The following PCSK2 variants were observed in gnomAD, a reference collection of about 807,000 sequenced individuals.
PCSK2 encodes neuroendocrine convertase 2.
Under a neutral mutation model 69.7 loss-of-function variants are expected in PCSK2, and 14 were observed. The ratio of observed to expected loss-of-function variants is 0.20; its 90% CI spans 0.13 to 0.31. The LOEUF is 0.31. PCSK2 is among the 10% of genes least tolerant of loss of function. PCSK2 has a pLI of 1.00. For missense variants in PCSK2, 544 were observed against 842.5 expected, an observed-to-expected ratio of 0.65 and a Z score of 4.39; for synonymous variants, 307 against 320.7, an observed-to-expected ratio of 0.96 and a Z score of 0.46.
At chr20:17,354,759 A>G (rs1388546297) in intron 2 of PCSK2, among the ~76,000 whole-genome samples, 1 of 152,200 alleles carries the variant, frequency 6.6e-6, no homozygotes, top group Non-Finnish European at 1.5e-5. Flanking sequence ...TTCTTATGGT[A>G]GGATACTCAG....
At chr20:17,426,989 G>T (rs2032261366) in intron 6 of PCSK2, among the ~76,000 whole-genome samples, 1 of 152,202 alleles carries the variant, frequency 6.6e-6, no homozygotes, top group Admixed American at 6.5e-5. Context: ...TTTCTAATAG[G>T]ATTACATGAT....
At chr20:17,337,249 G>GA (rs1990380742) in intron 2 of PCSK2, among the ~76,000 whole-genome samples, 1 of 152,186 alleles carries the variant, frequency 6.6e-6, no homozygotes, top group Admixed American at 6.5e-5. Context: ...GAACAACAAA[G>GA]GAGAATCCCC....
intron 1 of PCSK2, among the ~76,000 whole-genome samples, chr20:17,239,979 A>C (rs538718432): frequency 9.4e-4 from 135 of 144,192 alleles, no homozygotes; most frequent in Non-Finnish European, 1.3e-3. Context: ...TCAGCCTCCC[A>C]AGTAGCTGGG....
chr20:17,241,046 A>T (rs995334867), intron 1 of PCSK2, among the ~76,000 whole-genome samples: 1 of 152,232 alleles, frequency 6.6e-6, no homozygotes, highest in Non-Finnish European at 1.5e-5. Context: ...GTTCGCGCTG[A>T]TTACAGACAA....
At position 17,227,248 on chromosome 20, in the gene PCSK2, G is replaced by T. The variant is rs1029392594; in HGVS notation, c.-58G>T. 2.4e-6 allele frequency: 3 copies of T among 1,254,942 alleles called. No homozygotes were observed. The highest frequency in any genetic ancestry group is 3.5e-6 in the Non-Finnish European group (3 of 862,808). 77.7% of individuals were successfully genotyped at this position (1,254,942 alleles called of 1,614,324 possible). A position where few individuals can be genotyped will look rare whatever the true frequency, so the allele number is the denominator to read the frequency against. ...TTCTTTATTTGCACCCTCCCTCCGA[G>T]TCCCCTGCTCCGCCAGCCTGCGCGC... On this transcript the variant is annotated 5_prime_UTR_variant, in exon 1 of 12. Coordinates refer to ENST00000262545, the MANE Select transcript of PCSK2 (RefSeq NM_002594.5).
In PCSK2 at chr20:17,360,718, T is replaced by A. The variant is rs558879128; in HGVS notation, c.505+78T>A. 2.2e-4 allele frequency: 183 copies of A among 829,406 alleles called. No individual in the cohort carries two copies. In the African/African-American group the frequency reaches 2.7e-3, roughly 12 times the overall value. The allele number at this position is 829,406 out of a possible 1,614,324, so 51.4% of individuals were successfully genotyped here. A position where few individuals can be genotyped will look rare whatever the true frequency, so the allele number is the denominator to read the frequency against. ...CCTTTTGATAAAAGTTGTATTGTTT[T>A]GGAGATGCTAACCAGAGATGGAACA... On this transcript the variant is annotated intron_variant, in intron 4 of 11. Coordinates refer to ENST00000262545, the MANE Select transcript of PCSK2 (RefSeq NM_002594.5).
intron 5 of PCSK2, among the ~76,000 whole-genome samples, chr20:17,387,531 C>T (rs2031268151): frequency 6.6e-6 from 1 of 152,184 alleles, no homozygotes; most frequent in African/African-American, 2.4e-5. Flanking sequence ...TTGCACGTAG[C>T]TCTCCACAAA....
At chr20:17,430,549 C>T (rs892537896) in intron 7 of PCSK2, among the ~76,000 whole-genome samples, 173 of 152,282 alleles carry the variant, frequency 1.1e-3, no homozygotes, top group African/African-American at 4.1e-3. Context: ...AAGAGGCTTG[C>T]CTGAACTGGG....
chr20:17,242,270 A>C (rs973640903), intron 1 of PCSK2, among the ~76,000 whole-genome samples: 1 of 152,248 alleles, frequency 6.6e-6, no homozygotes, highest in African/African-American at 2.4e-5. Flanking sequence ...AAGTGTACTG[A>C]GTGCTAAGTC....
At chr20:17,480,618 G>C (rs1423206921) in intron 11 of PCSK2, among the ~76,000 whole-genome samples, 1 of 152,220 alleles carries the variant, frequency 6.6e-6, no homozygotes, top group Non-Finnish European at 1.5e-5. Context: ...AGTCCAACCT[G>C]AGACAAGACT....
intron 8 of PCSK2, among the ~76,000 whole-genome samples, chr20:17,447,599 C>T (rs1235623476): frequency 3.2e-5 from 3 of 95,054 alleles, no homozygotes; most frequent in Non-Finnish European, 6.6e-5. Context: ...GACTAAGAAT[C>T]GTCATTCATT....
At chr20:17,353,059 G>A (rs936467620) in intron 2 of PCSK2, among the ~76,000 whole-genome samples, 3 of 151,920 alleles carry the variant, frequency 2.0e-5, no homozygotes, top group African/African-American at 7.3e-5. Context: ...AAAACACACA[G>A]GTGGCCAACA....
chr20:17,385,828 T>C (rs548154307), intron 5 of PCSK2, among the ~76,000 whole-genome samples: 164 of 152,182 alleles, frequency 1.1e-3, no homozygotes, highest in Non-Finnish European at 2.1e-3. Flanking sequence ...TAAGCACCCC[T>C]AGAACATGAG....
chr20:17,333,319 T>C (rs1229530760), intron 2 of PCSK2, among the ~76,000 whole-genome samples: 1 of 152,240 alleles, frequency 6.6e-6, no homozygotes, highest in Non-Finnish European at 1.5e-5. Flanking sequence ...TTTTGTATTA[T>C]TTCCAAATTA....
At chr20:17,352,330 C>T (rs115321006) in intron 2 of PCSK2, among the ~76,000 whole-genome samples, 1,916 of 152,240 alleles carry the variant, frequency 0.013, 14 homozygotes, top group East Asian at 0.034. Context: ...TGTTATTTTT[C>T]ATAGAATTAG....
chr20:17,431,653 C>T (rs1372872223), intron 7 of PCSK2, among the ~76,000 whole-genome samples: 1 of 152,218 alleles, frequency 6.6e-6, no homozygotes, highest in Non-Finnish European at 1.5e-5. Context: ...GTTCTAACTA[C>T]AAGGGCTGCG....
chr20:17,334,506 C>T (rs1990292923), intron 2 of PCSK2, among the ~76,000 whole-genome samples: 1 of 152,158 alleles, frequency 6.6e-6, no homozygotes, highest in Non-Finnish European at 1.5e-5. Flanking sequence ...TGACAGCGAT[C>T]AGAGCGGATT....
chr20:17,392,482 G>T (rs1388755363), intron 5 of PCSK2, among the ~76,000 whole-genome samples: 2 of 152,116 alleles, frequency 1.3e-5, no homozygotes, highest in Non-Finnish European at 2.9e-5. Context: ...TTTATTTACA[G>T]GAAGTACAAT....
At chr20:17,467,113 CT>C (rs2033117943) in intron 11 of PCSK2, among the ~76,000 whole-genome samples, 1 of 152,232 alleles carries the variant, frequency 6.6e-6, no homozygotes, top group South Asian at 2.1e-4. Flanking sequence ...CCTCGCCACT[CT>C]TCATTGGTCC....
Sources: gnomAD v4.1 joint callset for allele counts (sites outside exome capture counted in the v4.1 genomes callset) on GRCh38, gnomAD v4.1.1 for gene constraint, MANE v1.5 for transcripts, NCBI Gene and HGNC (gene_info 2026-07-23, HGNC 2026-07-21) for gene names.